The following ATP8A2 variants were observed in gnomAD, a reference collection of about 807,000 sequenced individuals.
ATP8A2 encodes phospholipid-transporting ATPase IB.
A neutral mutation model predicts 165.6 loss-of-function variants in ATP8A2; 100 were observed. The ratio of observed to expected loss-of-function variants is 0.60; its 90% CI spans 0.51 to 0.71. The LOEUF (loss-of-function observed/expected upper bound fraction) is 0.71. Among genes scored for constraint, ATP8A2 ranks in the 30% least tolerant of loss-of-function variants. ATP8A2 has a pLI of 0.00. For missense variants in ATP8A2, 1,227 were observed against 1,479.5 expected, an observed-to-expected ratio of 0.83 and a Z score of 2.80; for synonymous variants, 543 against 548.8, an observed-to-expected ratio of 0.99 and a Z score of 0.15.
chr13:25,706,146 T>C lies in ATP8A2; in HGVS notation c.2384+6801T>C, dbSNP rs2043050980. Among the ~76,000 whole-genome samples, 5 of 152,178 alleles carry C rather than the reference T, an allele frequency of 3.3e-5. No individual in the cohort carries two copies. The South Asian group carries it at 1.0e-3, about 32-fold the overall frequency. On this transcript the variant is annotated intron_variant, in intron 25 of 36. Transcript: ENST00000381655. ...CTTAGTCCCTGCTGGGACAAACATATTCTCCTCTGTTTAGTAAGCATAGTA... is the reference window on the plus strand; with the variant it reads ...CTTAGTCCCTGCTGGGACAAACATACTCTCCTCTGTTTAGTAAGCATAGTA...
chr13:25,428,492 C>A (rs1013708714), intron 1 of ATP8A2, among the ~76,000 whole-genome samples: 5 of 152,158 alleles, frequency 3.3e-5, no homozygotes, highest in African/African-American at 9.7e-5. Flanking sequence ...ACATGAATGG[C>A]ACTTAAACCC....
intron 16 of ATP8A2, 111 bp downstream of exon 16, chr13:25,564,142 C>T (rs2039244524): frequency 7.9e-6 from 6 of 761,396 alleles, no homozygotes; most frequent in African/African-American, 1.7e-5. Flanking sequence ...GGAAAAGTCT[C>T]GACTTGATGA....
chr13:25,857,836 G>A (rs1461763031), intron 30 of ATP8A2, among the ~76,000 whole-genome samples: 1 of 152,086 alleles, frequency 6.6e-6, no homozygotes, highest in Non-Finnish European at 1.5e-5. Flanking sequence ...CTTCCAAAGT[G>A]CTGGGATTAC....
intron 25 of ATP8A2, among the ~76,000 whole-genome samples, chr13:25,723,137 CA>C (rs917004949): frequency 6.6e-6 from 1 of 152,154 alleles, no homozygotes; most frequent in African/African-American, 2.4e-5. Context: ...GATGTGGCTA[CA>C]AAAATAGTAA....
At chr13:25,760,624 T>A (rs1219894456) in intron 25 of ATP8A2, among the ~76,000 whole-genome samples, 1 of 152,168 alleles carries the variant, frequency 6.6e-6, no homozygotes, top group Non-Finnish European at 1.5e-5. Context: ...CATATAACAC[T>A]GAAATAATTA....
At chr13:25,520,987 T>C (rs1593452017) in intron 2 of ATP8A2, among the ~76,000 whole-genome samples, 1 of 152,222 alleles carries the variant, frequency 6.6e-6, no homozygotes, top group Non-Finnish European at 1.5e-5. Context: ...CCACCATCAG[T>C]GTACAAGGGT....
chr13:25,415,668 C>A (rs1011409670), intron 1 of ATP8A2, among the ~76,000 whole-genome samples: 2 of 152,172 alleles, frequency 1.3e-5, no homozygotes, highest in Admixed American at 6.5e-5. Flanking sequence ...TGGCTTCCTG[C>A]TGTTCTTCAA....
In ATP8A2 at chr13:25,895,461, C is replaced by G. The variant is rs574977350; in HGVS notation, c.3183+33053C>G. Among the ~76,000 whole-genome samples the G allele has an allele frequency of 4.6e-5, 7 of 152,316 alleles. No homozygotes were observed. The East Asian group carries it at 1.3e-3, about 29-fold the overall frequency. On this transcript the variant is annotated intron_variant, in intron 33 of 36. Coordinates refer to ENST00000381655, the MANE Select transcript of ATP8A2 (RefSeq NM_016529.6). ...AGTATTTTATTGAGGATTTTTGCAT[C>G]AATGTTCATCAAGGATATTGGTCTA...
chr13:25,488,717 C>A (rs1045865033), intron 2 of ATP8A2, among the ~76,000 whole-genome samples: 2 of 152,104 alleles, frequency 1.3e-5, no homozygotes, highest in African/African-American at 4.8e-5. Flanking sequence ...AAGAAAAAAA[C>A]CAAAAGCAGT....
intron 27 of ATP8A2, among the ~76,000 whole-genome samples, chr13:25,826,832 C>G (rs552203473): frequency 6.0e-5 from 9 of 150,684 alleles, no homozygotes; most frequent in Non-Finnish European, 1.3e-4. Flanking sequence ...TTTCTGTCCT[C>G]CCGGTGGCTC....
intron 35 of ATP8A2, among the ~76,000 whole-genome samples, chr13:25,981,007 G>A (rs894251422): frequency 8.5e-5 from 13 of 152,192 alleles, no homozygotes; most frequent in Admixed American, 2.6e-4. Flanking sequence ...GTCAATTGGC[G>A]TTAGCAATGA....
chr13:25,773,458 T>C (rs1781596986), intron 26 of ATP8A2, among the ~76,000 whole-genome samples: 1 of 151,938 alleles, frequency 6.6e-6, no homozygotes, highest in African/African-American at 2.4e-5. Flanking sequence ...GGCTAAGGGG[T>C]GGCTGAGGAG....
At chr13:25,423,973 A>C (rs1326967825) in intron 1 of ATP8A2, among the ~76,000 whole-genome samples, 1 of 152,228 alleles carries the variant, frequency 6.6e-6, no homozygotes, top group Admixed American at 6.5e-5. Context: ...TGAGGATTTC[A>C]GAGGGTCAGG....
chr13:25,591,991 T>C (rs1486388852), intron 24 of ATP8A2, among the ~76,000 whole-genome samples: 1 of 151,800 alleles, frequency 6.6e-6, no homozygotes, highest in Non-Finnish European at 1.5e-5. Flanking sequence ...CATCGTTTTA[T>C]ATGGTTTGTG....
intron 27 of ATP8A2, among the ~76,000 whole-genome samples, chr13:25,782,281 T>G (rs1292402942): frequency 6.6e-6 from 1 of 152,266 alleles, no homozygotes; most frequent in East Asian, 1.9e-4. Context: ...TTGGCAGCTA[T>G]GAGTGCGGTG....
At position 25,877,650 on chromosome 13, in the gene ATP8A2, T is replaced by C. The variant is rs146652225; in HGVS notation, c.3183+15242T>C. ...TTAAGGGTGTCTCCTCCCATGTTCC[T>C]TAGAGCAAGTGCCTTTCTAAACTTT... On this transcript the variant is annotated intron_variant, in intron 33 of 36. Transcript: ENST00000381655. 1.4e-4 allele frequency among the ~76,000 whole-genome samples: 22 copies of C among 152,334 alleles called. No homozygotes were observed. In the East Asian group the frequency reaches 4.2e-3, roughly 29 times the overall value.
At chr13:25,399,900 A>ATTCTTCTCCTTC (rs150603700) in intron 1 of ATP8A2, among the ~76,000 whole-genome samples, 2 of 143,358 alleles carry the variant, frequency 1.4e-5, no homozygotes, top group Admixed American at 7.1e-5. Flanking sequence ...TCCTCCTCTT[A>ATTCTTCTCCTTC]TTCTTCTCCT....
At chr13:25,862,881 C>T (rs1248320092) in intron 33 of ATP8A2, among the ~76,000 whole-genome samples, 1 of 152,212 alleles carries the variant, frequency 6.6e-6, no homozygotes, top group Non-Finnish European at 1.5e-5. Context: ...ACCAGAATCT[C>T]TCATTGTTCA....
rs1006390732 is a variant in ATP8A2 at position 25,953,343 on chromosome 13, G to A, written c.3184-8232G>A. Among the ~76,000 whole-genome samples, 1 of 151,772 alleles carries A rather than the reference G, an allele frequency of 6.6e-6. No individual in the cohort carries two copies. The highest frequency in any genetic ancestry group is 1.5e-5 in the Non-Finnish European group (1 of 67,952). ...TTTCTTCTGTAAAATGGGGACGGGG[G>A]GGATTAAATAAAATGCTTTATGGGA... On this transcript the variant is annotated intron_variant, in intron 33 of 36. Transcript: ENST00000381655. This position sits in a 1 kb window ranked among gnomAD's most constrained non-coding sequence, Gnocchi z 6.7.
Sources: gnomAD v4.1 joint callset for allele counts (sites outside exome capture counted in the v4.1 genomes callset) on GRCh38, gnomAD v4.1.1 for gene constraint, Gnocchi (gnomAD v3.1) non-coding constraint, MANE v1.5 for transcripts, NCBI Gene and HGNC (gene_info 2026-07-23, HGNC 2026-07-21) for gene names.